The following ZNF611 variants were observed in gnomAD, a reference collection of about 807,000 sequenced individuals.
The protein encoded by ZNF611 is zinc finger protein 611.
A neutral mutation model predicts 8.9 loss-of-function variants in ZNF611; 6 were observed. The ratio of observed to expected loss-of-function variants is 0.68; its 90% CI spans 0.37 to 1.34. The LOEUF is 1.34. Ranked by LOEUF, ZNF611 falls within the 40% of genes most tolerant of loss-of-function variation. ZNF611 has a pLI of 0.02. For synonymous variants in ZNF611, 262 were observed against 279.7 expected, an observed-to-expected ratio of 0.94 and a Z score of 0.63; for missense variants, 874 against 841.3, an observed-to-expected ratio of 1.04 and a Z score of -0.48.
In ZNF611 at chr19:52,715,388, G is replaced by C. The variant is rs192357971; in HGVS notation, c.63+444C>G. ...GAGAATTGCTTGAAACCAGGAGGCA[G>C]AGGTTGCAGTGAGCTGATACCATGC... On this transcript the variant is annotated intron_variant, in intron 4 of 5. Coordinates refer to ENST00000652185, the MANE Select transcript of ZNF611 (RefSeq NM_001161499.2). Among the ~76,000 whole-genome samples, 10 of 152,328 alleles carry C rather than the reference G, an allele frequency of 6.6e-5. No homozygotes were observed. In the East Asian group the frequency reaches 1.9e-3, roughly 29 times the overall value.
chr19:52,734,534 G>C lies in ZNF611; in HGVS notation c.-222+467C>G, dbSNP rs888878710. ...CCCCGGCATGAGGAGGAAGGTGCGG[G>C]GCGGGGGGGGGGGGCGCGACGGCGC... is the stretch of plus-strand genomic sequence containing the variant. On this transcript the variant is annotated intron_variant, in intron 1 of 5. Coordinates refer to ENST00000652185, the MANE Select transcript of ZNF611 (RefSeq NM_001161499.2). Among the ~76,000 whole-genome samples the C allele has an allele frequency of 8.2e-5, 3 of 36,524 alleles. 1 individual carries two copies. In the South Asian group the frequency reaches 2.4e-3, roughly 29 times the overall value. 24.0% of individuals were successfully genotyped at this position (36,524 alleles called of 152,430 possible).
intron 3 of ZNF611, among the ~76,000 whole-genome samples, chr19:52,726,739 T>C (rs2062396012): frequency 6.9e-6 from 1 of 144,114 alleles, no homozygotes; most frequent in Non-Finnish European, 1.5e-5. Context: ...TTTTTTTTTT[T>C]CTTTTTAAAC....
At chr19:52,722,653 G>A (rs901260885) in intron 3 of ZNF611, among the ~76,000 whole-genome samples, 2 of 152,078 alleles carry the variant, frequency 1.3e-5, no homozygotes, top group African/African-American at 4.8e-5. Context: ...CAAGTTATTA[G>A]ATTATATACA....
In ZNF611 at chr19:52,705,217, C is replaced by T. The variant is rs577268364; in HGVS notation, c.1838G>A (p.Arg613His). The T allele has an allele frequency of 5.2e-5, 84 of 1,613,932 alleles. No homozygotes were observed. Among genetic ancestry groups the T allele is most frequent in the Admixed American group, 2.2e-4 (13 of 60,002 alleles). Residue 613 changes from arginine (R) to histidine (H), a missense_variant, in exon 6 of 6, where the codon CGT becomes CAT. Arg to His is a conservative substitution (Grantham distance 29). Transcript: ENST00000652185. ...AGGTTTCTCACCACTATGAAGTCTA[C>T]GATGGCAATGAAGGGATGACCTGCG... is the stretch of plus-strand genomic sequence containing the variant. ...FSRRSSLHCH[R>H]RLHSGEKPYK...
intron 5 of ZNF611, among the ~76,000 whole-genome samples, chr19:52,713,282 A>G (rs1372374094): frequency 6.6e-6 from 1 of 152,208 alleles, no homozygotes; most frequent in East Asian, 1.9e-4. Flanking sequence ...GAACTAAACA[A>G]TGGAAACCTC....
chr19:52,718,476 G>A (rs2147433393), intron 3 of ZNF611, among the ~76,000 whole-genome samples: 1 of 152,132 alleles, frequency 6.6e-6, no homozygotes, highest in South Asian at 2.1e-4. Context: ...CTGCACTCCA[G>A]CCTGGACAGC....
At chr19:52,709,423 C>T (rs1170908081) in intron 5 of ZNF611, among the ~76,000 whole-genome samples, 1 of 152,046 alleles carries the variant, frequency 6.6e-6, no homozygotes, top group African/African-American at 2.4e-5. Flanking sequence ...CAGGCATGCA[C>T]CACCATGCCC....
intron 3 of ZNF611, among the ~76,000 whole-genome samples, chr19:52,722,552 G>C (rs1174952228): frequency 1.3e-5 from 2 of 152,138 alleles, no homozygotes; most frequent in African/African-American, 4.8e-5. Flanking sequence ...GGGATTCCAA[G>C]TGGAAGCTAA....
rs750313321 is a variant in ZNF611, at chr19:52,705,403, G to T, written c.1652C>A (p.Ser551Tyr). The T allele has an allele frequency of 2.5e-6, 4 of 1,614,020 alleles. No individual in the cohort carries two copies. The East Asian group carries it at 8.9e-5, about 36-fold the overall frequency. ...AATTCTAGTATGTTTTGCCAGATAG[G>T]AATGACACGCAAAAGCCTTGTCACA... Reference protein sequence around the residue: ...KVCDKAFACHSYLAKHTRIHS... With the variant: ...KVCDKAFACHYYLAKHTRIHS... Residue 551 changes from serine to tyrosine, a missense_variant, in exon 6 of 6, where the codon TCC becomes TAC. By Grantham distance (144) the Ser-to-Tyr change is moderately radical. Coordinates refer to ENST00000652185, the MANE Select transcript of ZNF611 (RefSeq NM_001161499.2).
rs935086369 is a variant in ZNF611, at chr19:52,717,550, A to C, written c.-19-1637T>G. The C allele has an allele frequency of 2.4e-5, 8 of 330,912 alleles. No individual in the cohort carries two copies. In the South Asian group the frequency reaches 6.0e-4, roughly 25 times the overall value. The allele number at this position is 330,912 out of a possible 1,614,324, so 20.5% of individuals were successfully genotyped here. ...GAGAAAAATGTTCAAAATATACACA[A>C]CTGTGCACACACAGCAATAGGTGTT... On this transcript the variant is annotated intron_variant, in intron 3 of 5. Coordinates refer to ENST00000652185, the MANE Select transcript of ZNF611 (RefSeq NM_001161499.2).
intron 3 of ZNF611, among the ~76,000 whole-genome samples, chr19:52,719,403 A>C (rs972211964): frequency 5.2e-4 from 79 of 152,150 alleles, no homozygotes; most frequent in Non-Finnish European, 1.3e-4. Flanking sequence ...CTAACGAGTC[A>C]AGTCACTGTC....
At chr19:52,726,081 C>CACAGA (rs935046337) in intron 3 of ZNF611, among the ~76,000 whole-genome samples, 1 of 152,302 alleles carries the variant, frequency 6.6e-6, no homozygotes, top group South Asian at 2.1e-4. Flanking sequence ...GCTGATGGCC[C>CACAGA]ACAGAACAGA....
intron 3 of ZNF611, among the ~76,000 whole-genome samples, chr19:52,723,094 C>T (rs780167902): frequency 2.7e-5 from 4 of 150,594 alleles, no homozygotes; most frequent in Admixed American, 6.6e-5. Context: ...GTGCATATCT[C>T]TCATTCTCCC....
At chr19:52,716,536 A>G (rs1414362398) in intron 3 of ZNF611, among the ~76,000 whole-genome samples, 1 of 152,154 alleles carries the variant, frequency 6.6e-6, no homozygotes, top group African/African-American at 2.4e-5. Flanking sequence ...AGTGGATGAC[A>G]AAGGCACAAA....
At chr19:52,730,054 T>C (rs919346942) in intron 1 of ZNF611, 49 bp from the exon 2 acceptor site, 4 of 152,028 alleles carry the variant, frequency 2.6e-5, no homozygotes, top group African/African-American at 9.7e-5. Flanking sequence ...TCAACTGAGA[T>C]CACAGAAAAC....
At position 52,704,845 on chromosome 19, in the gene ZNF611, C is replaced by T; in HGVS notation, c.*92G>A. ...ATCACTCCCAAGTCTTGTCAGAAAC[C>T]TTACATTTGTAAGCTTTCTCTCCAG... On this transcript the variant is annotated 3_prime_UTR_variant, in exon 6 of 6. Coordinates refer to ENST00000652185, the MANE Select transcript of ZNF611 (RefSeq NM_001161499.2). The T allele has an allele frequency of 3.7e-6, 6 of 1,607,336 alleles. No individual in the cohort carries two copies. Among genetic ancestry groups the T allele is most frequent in the Non-Finnish European group, 3.4e-6 (4 of 1,175,964 alleles).
At chr19:52,734,187 G>GCTTTTTTT in intron 1 of ZNF611, among the ~76,000 whole-genome samples, 1 of 84,666 alleles carries the variant, frequency 1.2e-5, no homozygotes, top group Non-Finnish European at 2.4e-5. Flanking sequence ...GCTTTCTTAG[G>GCTTTTTTT]TTTTTTTTTT....
intron 1 of ZNF611, among the ~76,000 whole-genome samples, chr19:52,733,535 C>T (rs1477355736): frequency 2.5e-5 from 3 of 121,856 alleles, no homozygotes; most frequent in African/African-American, 9.8e-5. Flanking sequence ...CTCCTGGACT[C>T]AAGCAATCCC....
intron 3 of ZNF611, among the ~76,000 whole-genome samples, chr19:52,727,992 C>T (rs758902171): frequency 1.1e-4 from 16 of 150,236 alleles, no homozygotes; most frequent in Non-Finnish European, 2.2e-4. Context: ...TCACTGCAAC[C>T]TCTGCCTCCC....
Sources: allele counts gnomAD v4.1 joint callset (sites outside exome capture counted in the v4.1 genomes callset), GRCh38; gene constraint gnomAD v4.1.1; transcripts MANE v1.5; gene names NCBI Gene and HGNC (gene_info 2026-07-23, HGNC 2026-07-21).